The following RARB variants were observed in gnomAD, a reference collection of about 807,000 sequenced individuals.
The protein encoded by RARB is retinoic acid receptor beta, also known as HBV-activated protein.
A neutral mutation model predicts 51.9 loss-of-function variants in RARB; 17 were observed. That is an observed-to-expected ratio of 0.33 (90% confidence interval 0.22 to 0.49). The LOEUF (loss-of-function observed/expected upper bound fraction) is 0.49, where lower values mean the gene tolerates loss of function less well. Among genes scored for constraint, RARB ranks in the 20% least tolerant of loss-of-function variants. The pLI is 0.99. For synonymous variants in RARB, 215 were observed against 195.4 expected, an observed-to-expected ratio of 1.10 and a Z score of -0.84; for missense variants, 369 against 550.8, an observed-to-expected ratio of 0.67 and a Z score of 3.30.
At chr3:25,028,876 G>A (rs758160941) in intron 2 of RARB, among the ~76,000 whole-genome samples, 5 of 152,256 alleles carry the variant, frequency 3.3e-5, no homozygotes, top group Middle Eastern at 3.4e-3. Flanking sequence ...TGGGGCTCTC[G>A]TGAATTTACC....
At chr3:24,897,540 G>T (rs1703503201) in intron 2 of RARB, among the ~76,000 whole-genome samples, 1 of 152,100 alleles carries the variant, frequency 6.6e-6, no homozygotes, top group African/African-American at 2.4e-5. Context: ...TAAAAGTATA[G>T]AAAAGATAGA....
intron 2 of RARB, among the ~76,000 whole-genome samples, chr3:24,970,574 A>AACACACACACACACACACACACAC (rs60292267): frequency 3.3e-4 from 49 of 148,756 alleles, no homozygotes; most frequent in African/African-American, 1.1e-3. Context: ...AAGTCATGTA[A>AACACACACACACACACACACACAC]ACACACACAC....
At chr3:25,336,845 AACGGCTC>A (rs1705077840) in intron 5 of RARB, among the ~76,000 whole-genome samples, 1 of 152,144 alleles carries the variant, frequency 6.6e-6, no homozygotes. Context: ...GACGCTGTAG[AACGGCTC>A]ACTTGGGAGA....
intron 2 of RARB, chr3:25,060,023 A>G (rs971270740): frequency 6.6e-6 from 1 of 151,798 alleles, no homozygotes; most frequent in Non-Finnish European, 1.5e-5. Flanking sequence ...ATAGTTATCA[A>G]AATTATATAA....
intron 2 of RARB, among the ~76,000 whole-genome samples, chr3:24,872,994 G>T (rs1371105508): frequency 6.6e-6 from 1 of 152,164 alleles, no homozygotes; most frequent in East Asian, 1.9e-4. Context: ...TTTCAGCTTT[G>T]TGGACCATAC....
chr3:25,268,959 T>C (rs574708988), intron 5 of RARB, among the ~76,000 whole-genome samples: 4 of 152,302 alleles, frequency 2.6e-5, no homozygotes, highest in African/African-American at 7.2e-5. Flanking sequence ...GAAACTCAAA[T>C]AGTATCTAGC....
Position 25,594,709 on chromosome 3 carries a change from A to G in RARB, c.1150+31A>G, listed in dbSNP as rs376653423. 4.6e-6 allele frequency: 7 copies of G among 1,524,748 alleles called. No homozygotes were observed. In the South Asian group the frequency reaches 9.3e-5, roughly 20 times the overall value. The allele number at this position is 1,524,748 out of a possible 1,614,324, so 94.5% of individuals were successfully genotyped here. On this transcript the variant is annotated intron_variant, in intron 7 of 7. Transcript: ENST00000330688. ...TCTTCGTGCTCTCAGTACTGTAGTC[A>G]CACAGTGGACTTGAGGGCCTTACCA... is the stretch of plus-strand genomic sequence containing the variant.
intron 2 of RARB, among the ~76,000 whole-genome samples, chr3:24,931,371 T>A (rs1307325469): frequency 2.0e-5 from 3 of 152,108 alleles, no homozygotes; most frequent in African/African-American, 4.8e-5. Context: ...TATTTGGCCC[T>A]ATTTCCTACC....
chr3:25,465,151 A>G (rs1695370402), intron 2 of RARB, among the ~76,000 whole-genome samples: 1 of 152,220 alleles, frequency 6.6e-6, no homozygotes, highest in South Asian at 2.1e-4. Context: ...ACCCCGTAGA[A>G]AAGATTATTG....
In RARB at chr3:25,568,857, G is replaced by C. The variant is rs527411797; in HGVS notation, c.449-901G>C. ...TCTGTTTCGCCTGTCTGCCTCCCTG[G>C]GTTTCAGTTTCTTTCCTCGCGAGAT... On this transcript the variant is annotated intron_variant, in intron 3 of 7. Coordinates refer to ENST00000330688, the MANE Select transcript of RARB (RefSeq NM_000965.5). Among the ~76,000 whole-genome samples, 29 of 152,308 alleles carry C rather than the reference G, an allele frequency of 1.9e-4. 3 individuals are homozygous for C. The South Asian group carries it at 2.1e-3, about 11-fold the overall frequency.
intron 5 of RARB, among the ~76,000 whole-genome samples, chr3:25,583,596 A>T (rs1199386596): frequency 1.3e-5 from 2 of 152,236 alleles, no homozygotes; most frequent in East Asian, 3.8e-4. Flanking sequence ...TTGATTCAGA[A>T]TCATGAGGTG....
intron 5 of RARB, among the ~76,000 whole-genome samples, chr3:25,300,827 T>G (rs1378152964): frequency 1.3e-5 from 2 of 151,800 alleles, no homozygotes; most frequent in Non-Finnish European, 2.9e-5. Flanking sequence ...CTATCTCTAC[T>G]AAAATAAAAT....
rs146343060 is a variant in RARB, at chr3:24,985,840, G to T, written c.-379-74285G>T. On this transcript the variant is annotated intron_variant, in intron 2 of 11. Coordinates refer to the RARB transcript ENST00000383772. ...GCCTGTGCCTGCTGCCGCGTTGGCA[G>T]CCATGAGCCTCCACGCATGTCAGTA... Among the ~76,000 whole-genome samples the T allele has an allele frequency of 4.5e-3, 688 of 152,328 alleles. 7 individuals are homozygous for T. The highest frequency in any genetic ancestry group is 0.016 in the African/African-American group (651 of 41,570).
intron 1 of RARB, among the ~76,000 whole-genome samples, chr3:25,449,756 CTT>C (rs11333842): frequency 1.2e-3 from 176 of 146,656 alleles, no homozygotes; most frequent in Middle Eastern, 3.5e-3. Context: ...TTCTCTCTCT[CTT>C]TTTTTTTTTT....
At chr3:24,854,639 A>G (rs1702609493) in intron 1 of RARB, among the ~76,000 whole-genome samples, 1 of 152,156 alleles carries the variant, frequency 6.6e-6, no homozygotes, top group Non-Finnish European at 1.5e-5. Flanking sequence ...TTCTTGATGC[A>G]TAGTAGCATT....
intron 2 of RARB, among the ~76,000 whole-genome samples, chr3:24,965,916 A>G (rs967650591): frequency 1.3e-5 from 2 of 152,208 alleles, no homozygotes; most frequent in Non-Finnish European, 2.9e-5. Flanking sequence ...CAAAACACTG[A>G]AGAAAAGTAA....
intron 4 of RARB, among the ~76,000 whole-genome samples, chr3:25,149,697 G>C (rs755625684): frequency 2.0e-5 from 3 of 152,142 alleles, no homozygotes; most frequent in Non-Finnish European, 4.4e-5. Context: ...TGAATTAGAT[G>C]CATGTATAAC....
chr3:24,941,214 GTGATTAT>G (rs1428168921), intron 2 of RARB, among the ~76,000 whole-genome samples: 1 of 127,648 alleles, frequency 7.8e-6, no homozygotes, highest in African/African-American at 3.5e-5. Flanking sequence ...GAAAACTATA[GTGATTAT>G]TAGGGAAATG....
At chr3:25,098,587 A>G (rs1699344307) in intron 3 of RARB, among the ~76,000 whole-genome samples, 1 of 152,150 alleles carries the variant, frequency 6.6e-6, no homozygotes, top group South Asian at 2.1e-4. Flanking sequence ...CTGGTGGGTC[A>G]AGTCCAGTCT....
Sources: gnomAD v4.1 joint callset for allele counts (sites outside exome capture counted in the v4.1 genomes callset) on GRCh38, gnomAD v4.1.1 for gene constraint, MANE v1.5 for transcripts, NCBI Gene and HGNC (gene_info 2026-07-23, HGNC 2026-07-21) for gene names.